Variants in ACCSL observed in about 807,000 individuals in gnomAD.
ACCSL encodes 1-aminocyclopropane-1-carboxylate synthase homolog (inactive) like, also known as probable inactive 1-aminocyclopropane-1-carboxylate synthase-like protein 2.
In ACCSL, 55 loss-of-function variants were observed where a neutral mutation model predicts 61.7. The ratio of observed to expected loss-of-function variants is 0.89; its 90% confidence interval spans 0.72 to 1.12. The LOEUF is 1.12. ACCSL is among the 50% of genes most tolerant of loss of function. The pLI is 0.00. For synonymous variants in ACCSL, 258 were observed against 264.3 expected (o/e 0.98, Z 0.23); for missense variants, 632 against 698.0 (o/e 0.91, Z 1.07).
intron 1 of ACCSL, among the ~76,000 whole-genome samples, chr11:44,049,014 T>G (rs1952618611): frequency 6.6e-6 from 1 of 152,080 alleles, no homozygotes. Flanking sequence ...CGTGAAACCT[T>G]CAAGATGCGA....
the ACCSL span, among the ~76,000 whole-genome samples, chr11:43,940,022 C>A: frequency 4.8e-3 from 731 of 152,348 alleles, 6 homozygotes; most frequent in Non-Finnish European, 6.8e-3. Context: ...ATCTCCATTG[C>A]CTCTACCCTA....
chr11:44,048,852 T>A (rs1952617748), intron 1 of ACCSL, among the ~76,000 whole-genome samples: 1 of 151,848 alleles, frequency 6.6e-6, no homozygotes, highest in Non-Finnish European at 1.5e-5. Context: ...ATGAATGGAG[T>A]CAGCCACTGG....
chr11:44,030,563 AT>A, the ACCSL span, among the ~76,000 whole-genome samples: 1 of 150,528 alleles, frequency 6.6e-6, no homozygotes, highest in East Asian at 2.0e-4. Context: ...AATCCAGGGG[AT>A]TTTTTTTGGA....
At chr11:44,010,750 C>T in the ACCSL span, among the ~76,000 whole-genome samples, 1 of 152,144 alleles carries the variant, frequency 6.6e-6, no homozygotes, top group African/African-American at 2.4e-5. Flanking sequence ...CCTGGGCCTC[C>T]TGAGAAGTTG....
the ACCSL span, among the ~76,000 whole-genome samples, chr11:43,948,178 G>A: frequency 6.6e-6 from 1 of 152,200 alleles, no homozygotes; most frequent in Non-Finnish European, 1.5e-5. Flanking sequence ...CCACTGTGTG[G>A]CAGGGCTCTA....
At chr11:43,961,817 G>T in the ACCSL span, among the ~76,000 whole-genome samples, 2 of 152,004 alleles carry the variant, frequency 1.3e-5, no homozygotes, top group Non-Finnish European at 2.9e-5. Flanking sequence ...GCTATAACAG[G>T]AAATATCCTC....
the ACCSL span, among the ~76,000 whole-genome samples, chr11:43,952,066 T>A: frequency 4.9e-3 from 739 of 152,298 alleles, 8 homozygotes; most frequent in Middle Eastern, 0.01. Flanking sequence ...ATCTTTTTTT[T>A]TTTTTCTTTC....
the ACCSL span, among the ~76,000 whole-genome samples, chr11:43,998,429 G>A: frequency 6.6e-6 from 1 of 152,074 alleles, no homozygotes; most frequent in Non-Finnish European, 1.5e-5. Flanking sequence ...GAGCCTTTGT[G>A]ACTGGTTCCA....
the ACCSL span, among the ~76,000 whole-genome samples, chr11:44,004,630 G>A: frequency 6.6e-6 from 1 of 152,180 alleles, no homozygotes; most frequent in Non-Finnish European, 1.5e-5. Context: ...CCTAGGAATC[G>A]AGGGGGCTTG....
At chr11:43,922,712 A>G in the ACCSL span, among the ~76,000 whole-genome samples, 1 of 152,204 alleles carries the variant, frequency 6.6e-6, no homozygotes, top group Non-Finnish European at 1.5e-5. Flanking sequence ...TTAGAGACAG[A>G]TAAGTTTTCC....
At chr11:43,953,981 T>C in the ACCSL span, among the ~76,000 whole-genome samples, 1 of 152,154 alleles carries the variant, frequency 6.6e-6, no homozygotes, top group African/African-American at 2.4e-5. Context: ...GGACCCCTTT[T>C]CGGTAACCTG....
chr11:43,978,343 T>A, the ACCSL span, among the ~76,000 whole-genome samples: 13 of 152,158 alleles, frequency 8.5e-5, no homozygotes, highest in Admixed American at 2.6e-4. Flanking sequence ...GATCAAGGCT[T>A]TGGGCTGCCA....
Position 44,050,554 on chromosome 11 carries a change from G to T in ACCSL, c.567G>T (p.Leu189Phe), listed in dbSNP as rs1449908346. 6.2e-7 allele frequency: 1 copy of T among 1,613,932 alleles called. No individual in the cohort carries two copies. Residue 189 changes from leucine to phenylalanine, a missense_variant and splice_region_variant, in exon 3 of 14, where the codon TTG becomes TTT. Transcript: ENST00000378832. ...CTTCATGTTCTATTTGTCAACAGTT[G>T]CAAGAAAGTGACATGAACTGCATTG... ...KLCMDLMTERLQESDMNCIED... is the reference protein window; with the variant it reads ...KLCMDLMTERFQESDMNCIED...
chr11:43,939,904 G>GCCTCC, the ACCSL span, among the ~76,000 whole-genome samples: 1 of 152,060 alleles, frequency 6.6e-6, no homozygotes, highest in Non-Finnish European at 1.5e-5. Flanking sequence ...ACCGTGCCTG[G>GCCTCC]ACAGAGGTCA....
the ACCSL span, among the ~76,000 whole-genome samples, chr11:43,991,095 A>T: frequency 6.6e-6 from 1 of 152,096 alleles, no homozygotes; most frequent in Admixed American, 6.5e-5. Flanking sequence ...AAAAAGTCTG[A>T]TTAGTGTCAC....
At chr11:43,924,355 C>T in the ACCSL span, among the ~76,000 whole-genome samples, 2 of 152,216 alleles carry the variant, frequency 1.3e-5, no homozygotes, top group Non-Finnish European at 2.9e-5. Flanking sequence ...GGGCCGGCAG[C>T]CTGGGTGGTA....
chr11:43,959,851 C>T, the ACCSL span, among the ~76,000 whole-genome samples: 8 of 152,248 alleles, frequency 5.3e-5, no homozygotes, highest in African/African-American at 1.9e-4. Context: ...TTCCTCTTCC[C>T]GCACTTGGGG....
chr11:44,053,505 A>G lies in ACCSL; in HGVS notation c.1048A>G (p.Arg350Gly). 6.2e-7 allele frequency: 1 copy of G among 1,612,084 alleles called. No homozygotes were observed. Among genetic ancestry groups the G allele is most frequent in the Non-Finnish European group, 8.5e-7 (1 of 1,178,156 alleles). Residue 350 changes from arginine to glycine, a missense_variant and splice_region_variant, in exon 8 of 14, where the codon AGG becomes GGG. Arg to Gly is a moderately radical substitution (Grantham distance 125, BLOSUM62 -2). Transcript: ENST00000378832. ...SLMKYLEFAKRYNLHVIIDEI... is the reference protein window; with the variant it reads ...SLMKYLEFAKGYNLHVIIDEI... Reference sequence around the variant, plus strand: ...GATGAAATACCTGGAATTTGCCAAGAGGTATGAGTTCTACCCCTTGAGACT... The same window carrying G: ...GATGAAATACCTGGAATTTGCCAAGGGGTATGAGTTCTACCCCTTGAGACT...
the ACCSL span, among the ~76,000 whole-genome samples, chr11:43,981,888 C>T: frequency 6.6e-6 from 1 of 152,248 alleles, no homozygotes; most frequent in East Asian, 1.9e-4. Flanking sequence ...CTCCTTTTCT[C>T]TTTCCACCTC....
Sources: gnomAD v4.1 joint callset for allele counts (sites outside exome capture counted in the v4.1 genomes callset) on GRCh38, gnomAD v4.1.1 for gene constraint, MANE v1.5 for transcripts, NCBI Gene and HGNC (gene_info 2026-07-23, HGNC 2026-07-21) for gene names.